GNB1: variants seen among roughly 807,000 people sequenced by gnomAD.
GNB1 encodes guanine nucleotide-binding protein G(I)/G(S)/G(T) subunit beta-1.
Under a neutral mutation model 42.9 loss-of-function variants are expected in GNB1, and 2 were observed. The ratio of observed to expected loss-of-function variants is 0.05; its 90% CI spans 0.02 to 0.15. The LOEUF (loss-of-function observed/expected upper bound fraction) is 0.15. Ranked by LOEUF, GNB1 falls within the 10% of genes least tolerant of loss-of-function variation. The probability of loss-of-function intolerance (pLI) is 1.00; values close to 1 mark genes in which losing one functional copy is unlikely to be tolerated. For synonymous variants in GNB1, 183 were observed against 174.7 expected, an observed-to-expected ratio of 1.05 and a Z score of -0.38; for missense variants, 193 against 462.2, an observed-to-expected ratio of 0.42 and a Z score of 5.34.
intron 5 of GNB1, among the ~76,000 whole-genome samples, chr1:1,809,301 A>G (rs377053284): frequency 6.8e-5 from 10 of 146,164 alleles, no homozygotes; most frequent in African/African-American, 2.3e-4. Flanking sequence ...CAGCCTTCCC[A>G]TTAGCTGGAA....
chr1:1,837,901 G>A (rs370446067), intron 2 of GNB1, among the ~76,000 whole-genome samples: 1 of 151,170 alleles, frequency 6.6e-6, no homozygotes, highest in African/African-American at 2.4e-5. Flanking sequence ...CTCCTTTTGC[G>A]TAAGAATATC....
intron 7 of GNB1, among the ~76,000 whole-genome samples, chr1:1,803,107 G>A (rs892703963): frequency 6.6e-6 from 1 of 152,246 alleles, no homozygotes; most frequent in Non-Finnish European, 1.5e-5. Flanking sequence ...TGCATGTGAA[G>A]TGGGCGGAGT....
At chr1:1,833,438 G>A (rs1427494797) in intron 2 of GNB1, among the ~76,000 whole-genome samples, 1 of 152,138 alleles carries the variant, frequency 6.6e-6, no homozygotes, top group Non-Finnish European at 1.5e-5. Context: ...TAACAATACT[G>A]TGAGGAATAA....
chr1:1,824,446 T>TA (rs1008429638), intron 3 of GNB1, among the ~76,000 whole-genome samples: 1 of 152,100 alleles, frequency 6.6e-6, no homozygotes, highest in Non-Finnish European at 1.5e-5. Context: ...CTCTCTCAAA[T>TA]AAAAGTTTAT....
intron 3 of GNB1, among the ~76,000 whole-genome samples, chr1:1,819,371 T>TG (rs1163342788): frequency 1.3e-5 from 2 of 151,934 alleles, no homozygotes; most frequent in Non-Finnish European, 2.9e-5. Flanking sequence ...CACAGGCGTG[T>TG]GCCACCACAC....
chr1:1,874,255 G>A (rs559357549), intron 1 of GNB1, among the ~76,000 whole-genome samples: 1 of 152,230 alleles, frequency 6.6e-6, no homozygotes, highest in East Asian at 1.9e-4. Flanking sequence ...CAGATCACGA[G>A]GCCAGGAATT....
At chr1:1,830,628 G>A (rs1423476925) in intron 2 of GNB1, among the ~76,000 whole-genome samples, 1 of 152,002 alleles carries the variant, frequency 6.6e-6, no homozygotes, top group East Asian at 1.9e-4. Context: ...CATGATCATA[G>A]CTCACTGCAG....
chr1:1,880,889 T>C (rs114275086), intron 1 of GNB1, among the ~76,000 whole-genome samples: 1,937 of 149,530 alleles, frequency 0.013, 46 homozygotes, highest in African/African-American at 0.045. Flanking sequence ...CCATGGAGCT[T>C]AGAAGAAGTG....
intron 5 of GNB1, among the ~76,000 whole-genome samples, chr1:1,814,892 C>T (rs1182956539): frequency 6.6e-6 from 1 of 150,616 alleles, no homozygotes; most frequent in Non-Finnish European, 1.5e-5. Flanking sequence ...GCGGGTGGAT[C>T]GTGAAGTCAG....
chr1:1,855,457 T>C (rs1225151809), intron 1 of GNB1, among the ~76,000 whole-genome samples: 3 of 151,742 alleles, frequency 2.0e-5, no homozygotes, highest in East Asian at 3.9e-4. Context: ...ATCCCAGCAC[T>C]TTGGGAGGCC....
chr1:1,847,917 TGAGA>T (rs763309624), intron 1 of GNB1, among the ~76,000 whole-genome samples: 19 of 152,092 alleles, frequency 1.2e-4, no homozygotes, highest in Admixed American at 2.6e-4. Flanking sequence ...TGCCAAACGA[TGAGA>T]AAGAAGCAGT....
At chr1:1,836,072 AGAGT>A (rs1381638910) in intron 2 of GNB1, among the ~76,000 whole-genome samples, 1 of 152,048 alleles carries the variant, frequency 6.6e-6, no homozygotes, top group East Asian at 1.9e-4. Flanking sequence ...TCTAAGAGAC[AGAGT>A]GAGACCCTAT....
At position 1,789,264 on chromosome 1, in the gene GNB1, A is replaced by G. The variant is rs753314529; in HGVS notation, c.705T>C (p.Phe235=). 213 of 1,571,890 alleles carry G rather than the reference A, an allele frequency of 1.4e-4. No individual in the cohort carries two copies. In the Middle Eastern group the frequency reaches 2.7e-3, roughly 20 times the overall value. Residue 235 remains phenylalanine, a synonymous_variant, in exon 10 of 12, where the codon TTT becomes TTC. Transcript: ENST00000378609. ...CAGTGGCAAATGCATTGCCATTTGGAAAGAACTGGAAAGAGAAAGCAAATC... is the reference window on the plus strand; with the variant it reads ...CAGTGGCAAATGCATTGCCATTTGGGAAGAACTGGAAAGAGAAAGCAAATC... ...HESDINAICF[F]PNGNAFATGS... is the part of the protein sequence containing the mutation.
chr1:1,841,815 G>T (rs976822167), intron 1 of GNB1, among the ~76,000 whole-genome samples: 1 of 152,110 alleles, frequency 6.6e-6, no homozygotes, highest in Non-Finnish European at 1.5e-5. Flanking sequence ...ATTAAACACA[G>T]AATTACCCCA....
rs187155605 is a variant in GNB1, at chr1:1,831,748, T to C, written c.-46-6249A>G. 7.3e-5 allele frequency among the ~76,000 whole-genome samples: 11 copies of C among 151,584 alleles called. No individual in the cohort carries two copies. The East Asian group carries it at 1.8e-3, about 24-fold the overall frequency. ...ACACGCACCCGGTCACATGTAGTAA[T>C]TGTAGCTGCTTTATTATAATTAAAA... On this transcript the variant is annotated intron_variant, in intron 2 of 11. Coordinates refer to ENST00000378609, the MANE Select transcript of GNB1 (RefSeq NM_002074.5).
intron 1 of GNB1, among the ~76,000 whole-genome samples, chr1:1,851,129 G>A (rs534525069): frequency 7.2e-5 from 11 of 152,138 alleles, no homozygotes; most frequent in Non-Finnish European, 1.2e-4. Context: ...TTAGCAAGGC[G>A]CCAGGCGCGG....
chr1:1,813,789 T>C (rs1646814126), intron 5 of GNB1, among the ~76,000 whole-genome samples: 2 of 152,344 alleles, frequency 1.3e-5, no homozygotes, highest in South Asian at 2.1e-4. Flanking sequence ...ATGTGCCTGG[T>C]TACTTATTTA....
At chr1:1,814,717 A>G (rs12408690) in intron 5 of GNB1, among the ~76,000 whole-genome samples, 125,055 of 150,304 alleles carry the variant, frequency 0.83, 53,815 homozygotes, top group Non-Finnish European at 0.95. Flanking sequence ...AGGAAGGGTT[A>G]CTGGAGCCTA....
intron 3 of GNB1, among the ~76,000 whole-genome samples, chr1:1,824,384 T>C (rs1187223967): frequency 1.3e-5 from 2 of 152,060 alleles, no homozygotes; most frequent in Non-Finnish European, 2.9e-5. Flanking sequence ...GAGGTTGCAG[T>C]GAGACGAGAT....
Sources: gnomAD v4.1 joint callset for allele counts (sites outside exome capture counted in the v4.1 genomes callset) on GRCh38, gnomAD v4.1.1 for gene constraint, MANE v1.5 for transcripts, NCBI Gene and HGNC (gene_info 2026-07-23, HGNC 2026-07-21) for gene names.